GNB1: variants seen among roughly 807,000 people sequenced by gnomAD.
The protein encoded by GNB1 is guanine nucleotide-binding protein G(I)/G(S)/G(T) subunit beta-1.
GNB1 carries 2 observed loss-of-function variants against 42.9 expected under a neutral mutation model. The observed-to-expected ratio is 0.05, with a 90% confidence interval of 0.02 to 0.15. The LOEUF is 0.15. GNB1 is among the 10% of genes least tolerant of loss of function. GNB1 has a pLI of 1.00. For missense variants in GNB1, 193 were observed against 462.2 expected (o/e 0.42, Z 5.34); for synonymous variants, 183 against 174.7 (o/e 1.05, Z -0.38).
rs191663068 is a variant in GNB1, at chr1:1,828,038, C to T, written c.-46-2539G>A. ...CTGAGATGCTTCAAAAATGATGTTC[C>T]GGCTGGGGGCGGTGGCTGACGCCTG... On this transcript the variant is annotated intron_variant, in intron 2 of 11. Transcript: ENST00000378609. Among the ~76,000 whole-genome samples the T allele has an allele frequency of 5.3e-3, 801 of 152,098 alleles. 4 individuals are homozygous for T. The highest frequency in any genetic ancestry group is 8.2e-3 in the Non-Finnish European group (559 of 67,966).
At chr1:1,886,096 G>A (rs1192996919) in intron 1 of GNB1, among the ~76,000 whole-genome samples, 5 of 151,644 alleles carry the variant, frequency 3.3e-5, no homozygotes, top group Non-Finnish European at 5.9e-5. Context: ...CAGATCACCG[G>A]AGGTCAGGAG....
chr1:1,810,147 G>A (rs1646755579), intron 5 of GNB1, among the ~76,000 whole-genome samples: 1 of 152,012 alleles, frequency 6.6e-6, no homozygotes, highest in African/African-American at 2.4e-5. Context: ...CTAACTGCAA[G>A]CTCTGCCTCC....
At chr1:1,797,346 A>C (rs576406977) in intron 7 of GNB1, among the ~76,000 whole-genome samples, 22 of 152,334 alleles carry the variant, frequency 1.4e-4, no homozygotes, top group Admixed American at 3.9e-4. Context: ...ATACTGTATA[A>C]TACTACTGCA....
rs998057803 is a variant in GNB1, at chr1:1,790,756, A to G, written c.498-160T>C. Among the ~76,000 whole-genome samples the G allele has an allele frequency of 2.0e-5, 3 of 152,226 alleles. No homozygotes were observed. The highest frequency in any genetic ancestry group is 7.2e-5 in the African/African-American group (3 of 41,470). On this transcript the variant is annotated intron_variant, in intron 8 of 11. Coordinates refer to ENST00000378609, the MANE Select transcript of GNB1 (RefSeq NM_002074.5). This position sits in a 1 kb window ranked among gnomAD's most constrained non-coding sequence, Gnocchi z 5.4. Reference sequence around the variant, plus strand: ...GTTTAAAGACAAATTTAAATGTAATACAACTTTGGAAGGGAAACAAAGCAA... The same window carrying G: ...GTTTAAAGACAAATTTAAATGTAATGCAACTTTGGAAGGGAAACAAAGCAA...
At chr1:1,808,528 G>C (rs890149332) in intron 5 of GNB1, among the ~76,000 whole-genome samples, 1 of 152,208 alleles carries the variant, frequency 6.6e-6, no homozygotes, top group East Asian at 1.9e-4. Context: ...TTTCAAGGAA[G>C]AGCAAGAAGG....
At chr1:1,794,174 A>C (rs1168475677) in intron 7 of GNB1, 1 of 152,208 alleles carries the variant, frequency 6.6e-6, no homozygotes, top group Non-Finnish European at 1.5e-5. Flanking sequence ...ACAACTTCCA[A>C]AATGAGGAAA....
At chr1:1,848,357 C>CAAAAAA (rs56979938) in intron 1 of GNB1, among the ~76,000 whole-genome samples, 3 of 94,316 alleles carry the variant, frequency 3.2e-5, no homozygotes, top group Admixed American at 1.0e-4. Flanking sequence ...CCAGCCCAGG[C>CAAAAAA]AAAAAAAAAA....
At chr1:1,831,261 CA>C (rs1647071821) in intron 2 of GNB1, among the ~76,000 whole-genome samples, 1 of 151,906 alleles carries the variant, frequency 6.6e-6, no homozygotes, top group Non-Finnish European at 1.5e-5. Context: ...CGCTTGAGTC[CA>C]GGAGTTCAAG....
chr1:1,889,760 T>C (rs1189208529), intron 1 of GNB1, among the ~76,000 whole-genome samples: 2 of 150,634 alleles, frequency 1.3e-5, no homozygotes, highest in Non-Finnish European at 2.9e-5. Flanking sequence ...ACACAAGAAA[T>C]GTTAAAATAT....
chr1:1,868,504 C>T (rs1246239291), intron 1 of GNB1, among the ~76,000 whole-genome samples: 1 of 152,132 alleles, frequency 6.6e-6, no homozygotes, highest in Admixed American at 6.6e-5. Flanking sequence ...AAAAGTTAGC[C>T]GGGCACAGTT....
At chr1:1,828,886 T>TACACACATACACACACACACACAC (rs1263645542) in intron 2 of GNB1, among the ~76,000 whole-genome samples, 7 of 125,010 alleles carry the variant, frequency 5.6e-5, no homozygotes, top group African/African-American at 2.0e-4. Flanking sequence ...CACACACACA[T>TACACACATACACACACACACACAC]ACACACATAC....
At chr1:1,871,589 A>T (rs1182657287) in intron 1 of GNB1, among the ~76,000 whole-genome samples, 1 of 151,824 alleles carries the variant, frequency 6.6e-6, no homozygotes, top group Non-Finnish European at 1.5e-5. Flanking sequence ...TAACCCCTCC[A>T]CCGACCATCA....
chr1:1,866,000 G>A (rs1404917465), intron 1 of GNB1, among the ~76,000 whole-genome samples: 1 of 151,190 alleles, frequency 6.6e-6, no homozygotes, highest in Non-Finnish European at 1.5e-5. Flanking sequence ...GTACAATGGC[G>A]CAACGTTGGC....
intron 1 of GNB1, among the ~76,000 whole-genome samples, chr1:1,865,345 G>C (rs527995922): frequency 8.8e-5 from 13 of 148,520 alleles, no homozygotes; most frequent in African/African-American, 2.5e-4. Flanking sequence ...CCAGCACTCT[G>C]AGAGGCCGAG....
At chr1:1,815,029 G>A (rs540120031) in intron 5 of GNB1, among the ~76,000 whole-genome samples, 5 of 151,088 alleles carry the variant, frequency 3.3e-5, no homozygotes, top group East Asian at 1.9e-4. Context: ...GGAGAATGGC[G>A]TGAACCCGGG....
At chr1:1,827,130 C>A (rs532621452) in intron 2 of GNB1, among the ~76,000 whole-genome samples, 2 of 152,178 alleles carry the variant, frequency 1.3e-5, no homozygotes, top group East Asian at 3.8e-4. Context: ...GAGATTAAAA[C>A]CCATCTGTGG....
chr1:1,885,870 A>G (rs1650126276), intron 1 of GNB1, among the ~76,000 whole-genome samples: 1 of 143,922 alleles, frequency 6.9e-6, no homozygotes, highest in Non-Finnish European at 1.5e-5. Flanking sequence ...CTTAATCTTA[A>G]AAAAAAAAAA....
At chr1:1,860,890 T>C (rs1557935567) in intron 1 of GNB1, among the ~76,000 whole-genome samples, 1 of 151,918 alleles carries the variant, frequency 6.6e-6, no homozygotes, top group African/African-American at 2.4e-5. Context: ...GACAGATCGC[T>C]TGAGGTCAGG....
chr1:1,801,468 A>G (rs1189791009), intron 7 of GNB1, among the ~76,000 whole-genome samples: 1 of 152,218 alleles, frequency 6.6e-6, no homozygotes, highest in African/African-American at 2.4e-5. Context: ...AGAGTGAGCA[A>G]GGGCAGACAG....
Sources: gnomAD v4.1 joint callset for allele counts (sites outside exome capture counted in the v4.1 genomes callset) on GRCh38, gnomAD v4.1.1 for gene constraint, Gnocchi (gnomAD v3.1) non-coding constraint, MANE v1.5 for transcripts, NCBI Gene and HGNC (gene_info 2026-07-23, HGNC 2026-07-21) for gene names.